Variants in XPOT observed in about 807,000 individuals in gnomAD.
XPOT encodes exportin-T.
A neutral mutation model predicts 128.2 loss-of-function variants in XPOT; 34 were observed. The ratio of observed to expected loss-of-function variants is 0.27; its 90% CI spans 0.20 to 0.35. The LOEUF is 0.35. XPOT is among the 10% of genes least tolerant of loss of function. XPOT has a pLI of 1.00. For missense variants in XPOT, 838 were observed against 1,125.3 expected, an observed-to-expected ratio of 0.74 and a Z score of 3.65; for synonymous variants, 348 against 394.3, an observed-to-expected ratio of 0.88 and a Z score of 1.39.
intron 22 of XPOT, 140 bp from the exon 23 acceptor site, chr12:64,439,104 C>T: frequency 1.4e-6 from 1 of 713,824 alleles, no homozygotes; most frequent in Non-Finnish European, 2.3e-6. Context: ...AGGCTTCAAA[C>T]CAAGGCAGTC....
chr12:64,412,753 G>A (rs1056654202), intron 2 of XPOT, among the ~76,000 whole-genome samples: 1 of 152,166 alleles, frequency 6.6e-6, no homozygotes, highest in African/African-American at 2.4e-5. Context: ...TATGGGCTCG[G>A]TCTTACAAAC....
chr12:64,415,271 A>G lies in XPOT; in HGVS notation c.143+282A>G, dbSNP rs116886082. On this transcript the variant is annotated intron_variant, in intron 3 of 24. Transcript: ENST00000332707. ...AATAAAGTGCAGTAAAAACTTCCTT[A>G]TCTTATGATTGAGGGTGATAACTGC... Among the ~76,000 whole-genome samples the G allele has an allele frequency of 1.8e-3, 276 of 152,166 alleles. 5 individuals are homozygous for G. In the East Asian group the frequency reaches 0.041, roughly 22 times the overall value.
intron 23 of XPOT, among the ~76,000 whole-genome samples, chr12:64,444,050 AT>A (rs1480414657): frequency 6.6e-6 from 1 of 152,148 alleles, no homozygotes. Flanking sequence ...AAATAAAATT[AT>A]TTTTCTATTT....
At chr12:64,444,083 A>G (rs1241216394) in intron 23 of XPOT, among the ~76,000 whole-genome samples, 2 of 152,218 alleles carry the variant, frequency 1.3e-5, no homozygotes, top group Non-Finnish European at 2.9e-5. Context: ...ATGAAAGATA[A>G]GGAACCTCAG....
chr12:64,448,040 C>G (rs2040379541), intron 24 of XPOT, 65 bp from the exon 25 acceptor site: 3 of 1,433,406 alleles, frequency 2.1e-6, no homozygotes, highest in Admixed American at 1.7e-5. Flanking sequence ...TACTTGGAGC[C>G]ATTCTTCAGG....
At chr12:64,414,570 A>C (rs1413957569) in intron 2 of XPOT, among the ~76,000 whole-genome samples, 2 of 152,198 alleles carry the variant, frequency 1.3e-5, no homozygotes, top group Non-Finnish European at 2.9e-5. Context: ...CCCTTAACTC[A>C]TCCTCTGCAA....
Position 64,420,366 on chromosome 12 carries a change from C to A in XPOT, c.688C>A (p.Leu230Met). 6.2e-7 allele frequency: 1 copy of A among 1,612,106 alleles called. No homozygotes were observed. Among genetic ancestry groups the A allele is most frequent in the Non-Finnish European group, 8.5e-7 (1 of 1,179,382 alleles). ...LIANDRFINM[L>M]LGHMSIEVLR... ...TCCCATTACCAGGTTTATAAATATG[C>A]TGCTAGGTCATATGTCAATAGAAGT... Residue 230 changes from leucine (L) to methionine (M), a missense_variant, in exon 8 of 25, where the codon CTG becomes ATG. Coordinates refer to ENST00000332707, the MANE Select transcript of XPOT (RefSeq NM_007235.6).
At position 64,437,816 on chromosome 12, in the gene XPOT, T is replaced by C. The variant is rs2040294804; in HGVS notation, c.2734-1428T>C. On this transcript the variant is annotated intron_variant, in intron 22 of 24. Coordinates refer to ENST00000332707, the MANE Select transcript of XPOT (RefSeq NM_007235.6). ...GCTCAAGCAAGAGTCAACAGAAAGGTAGAAGTAGAACCAGATAGTCAGGTG... is the reference window on the plus strand; with the variant it reads ...GCTCAAGCAAGAGTCAACAGAAAGGCAGAAGTAGAACCAGATAGTCAGGTG... 2.0e-5 allele frequency among the ~76,000 whole-genome samples: 3 copies of C among 152,000 alleles called. 1 individual carries two copies. In the South Asian group the frequency reaches 6.3e-4, roughly 32 times the overall value.
In XPOT at chr12:64,424,644, T is replaced by C; in HGVS notation, c.1228T>C (p.Leu410=). The C allele has an allele frequency of 6.2e-7, 1 of 1,612,426 alleles. No homozygotes were observed. Among genetic ancestry groups the C allele is most frequent in the African/African-American group, 1.3e-5 (1 of 75,000 alleles). ...MFVEYRKQLK[L]LLDRLAQVSP... ...TGTAGAATATAGAAAACAACTGAAG[T>C]TACTGTTGGACAGGCTTGCTCAAGT... The change falls in exon 12 of 25, where the codon TTA becomes CTA. Residue 410 remains leucine (L), a synonymous_variant. Coordinates refer to ENST00000332707, the MANE Select transcript of XPOT (RefSeq NM_007235.6).
At chr12:64,435,453 C>T (rs906757485) in intron 21 of XPOT, among the ~76,000 whole-genome samples, 174 bp from the exon 22 acceptor site, 3 of 152,118 alleles carry the variant, frequency 2.0e-5, no homozygotes, top group Non-Finnish European at 4.4e-5. Context: ...TACTTCAACC[C>T]ACTTAGTCCA....
chr12:64,427,684 A>G (rs1463423909), intron 15 of XPOT, among the ~76,000 whole-genome samples: 3 of 151,912 alleles, frequency 2.0e-5, no homozygotes, highest in African/African-American at 7.3e-5. Context: ...TTGTAGAATC[A>G]GTCTCACCAC....
chr12:64,429,529 A>G (rs10878171), intron 16 of XPOT, among the ~76,000 whole-genome samples: 63,549 of 150,720 alleles, frequency 0.42, 15,928 homozygotes, highest in Non-Finnish European at 0.56. Flanking sequence ...CTACAACTCT[A>G]CCTCTCAGGT....
intron 1 of XPOT, among the ~76,000 whole-genome samples, chr12:64,407,160 A>T (rs1171132189): frequency 6.6e-6 from 1 of 152,144 alleles, no homozygotes; most frequent in East Asian, 1.9e-4. Context: ...CTAGGGACAT[A>T]GTGATGGATA....
chr12:64,420,623 T>TA, intron 8 of XPOT, 102 bp downstream of exon 8: 1 of 892,438 alleles, frequency 1.1e-6, no homozygotes, highest in Non-Finnish European at 1.7e-6. Flanking sequence ...CTAAATGTTA[T>TA]AAACTCCCCT....
chr12:64,438,284 CT>C (rs1471388722), intron 22 of XPOT, among the ~76,000 whole-genome samples: 1 of 152,168 alleles, frequency 6.6e-6, no homozygotes, highest in Admixed American at 6.5e-5. Context: ...CATCTTTTGA[CT>C]GACTTGAGGT....
intron 4 of XPOT, among the ~76,000 whole-genome samples, chr12:64,417,800 T>C (rs1012003928): frequency 1.3e-5 from 2 of 152,302 alleles, no homozygotes; most frequent in Admixed American, 6.5e-5. Context: ...ATTCGAAAAA[T>C]TGTGTAGCCA....
chr12:64,437,563 G>T (rs1182497016), intron 22 of XPOT, among the ~76,000 whole-genome samples: 2 of 152,182 alleles, frequency 1.3e-5, no homozygotes, highest in African/African-American at 4.8e-5. Flanking sequence ...AGAGGCAGAA[G>T]TGATAGCTAA....
chr12:64,425,222 T>C, intron 13 of XPOT, 40 bp downstream of exon 13: 4 of 1,612,878 alleles, frequency 2.5e-6, no homozygotes, highest in Non-Finnish European at 3.4e-6. Context: ...AAATTTCTGT[T>C]TTCAGTATAA....
At chr12:64,443,406 CA>C (rs2040342974) in intron 23 of XPOT, 1 of 152,264 alleles carries the variant, frequency 6.6e-6, no homozygotes, top group South Asian at 2.1e-4. Flanking sequence ...GACATTTTAA[CA>C]ATATTAAGTC....
Sources: allele counts gnomAD v4.1 joint callset (sites outside exome capture counted in the v4.1 genomes callset), GRCh38; gene constraint gnomAD v4.1.1; transcripts MANE v1.5; gene names NCBI Gene and HGNC (gene_info 2026-07-23, HGNC 2026-07-21).